The following GCNT2 variants were observed in gnomAD, a reference collection of about 807,000 sequenced individuals.
GCNT2 encodes the protein glucosaminyl (N-acetyl) transferase 2 (I blood group).
GCNT2 carries 34 observed loss-of-function variants against 34.2 expected under a neutral mutation model. The observed-to-expected ratio is 1.00, with a 90% CI of 0.76 to 1.32. GCNT2 has a LOEUF of 1.32. GCNT2 is among the 40% of genes most tolerant of loss of function. GCNT2 has a pLI of 0.00. For synonymous variants in GCNT2, 212 were observed against 188.0 expected, an observed-to-expected ratio of 1.13 and a Z score of -1.04; for missense variants, 584 against 489.4, an observed-to-expected ratio of 1.19 and a Z score of -1.82.
intron 3 of GCNT2, among the ~76,000 whole-genome samples, chr6:10,572,820 G>A (rs1432049189): frequency 6.6e-6 from 1 of 152,210 alleles, no homozygotes; most frequent in East Asian, 1.9e-4. Context: ...CCCAGTGAGA[G>A]CATCAAATGC....
intron 3 of GCNT2, chr6:10,586,119 T>C (rs1372225677): frequency 6.2e-7 from 1 of 1,613,942 alleles, no homozygotes; most frequent in Non-Finnish European, 8.5e-7. Context: ...TGAAAGGTAT[T>C]TTAGGAAAAC....
At chr6:10,623,099 C>T (rs1272436995) in intron 4 of GCNT2, among the ~76,000 whole-genome samples, 1 of 151,828 alleles carries the variant, frequency 6.6e-6, no homozygotes, top group Non-Finnish European at 1.5e-5. Flanking sequence ...TGAAAATCTC[C>T]AAGTTGCTCC....
At chr6:10,601,940 CAAGAA>C (rs1339162198) in intron 3 of GCNT2, among the ~76,000 whole-genome samples, 27 of 62,614 alleles carry the variant, frequency 4.3e-4, no homozygotes, top group Admixed American at 1.6e-3. Flanking sequence ...GACTCCATCT[CAAGAA>C]AAAAAAAAAA....
chr6:10,562,085 C>T (rs1027236302), intron 3 of GCNT2, among the ~76,000 whole-genome samples: 1 of 152,144 alleles, frequency 6.6e-6, no homozygotes, highest in Non-Finnish European at 1.5e-5. Flanking sequence ...CCCAAGGGAG[C>T]TCCCAATCAA....
chr6:10,556,462 C>G, intron 3 of GCNT2: 1 of 1,614,046 alleles, frequency 6.2e-7, no homozygotes, highest in Non-Finnish European at 8.5e-7. Flanking sequence ...TAATTTCTGT[C>G]TCTAGTGTAA....
chr6:10,582,376 AT>A (rs1488171079), intron 3 of GCNT2, among the ~76,000 whole-genome samples: 1 of 86,144 alleles, frequency 1.2e-5, no homozygotes, highest in Non-Finnish European at 2.2e-5. Flanking sequence ...ATATACTATA[AT>A]TTAATATTTA....
At chr6:10,541,073 A>G (rs181745651) in intron 3 of GCNT2, among the ~76,000 whole-genome samples, 35 of 152,178 alleles carry the variant, frequency 2.3e-4, no homozygotes, top group Admixed American at 1.3e-3. Context: ...ACATAGGTAA[A>G]CGTGTGCCAC....
At chr6:10,574,723 CTTTTATTTTT>C in intron 3 of GCNT2, 1 of 499,758 alleles carries the variant, frequency 2.0e-6, no homozygotes, top group Non-Finnish European at 3.8e-6. Context: ...GTCTAGAGGT[CTTTTATTTTT>C]TTTTAACACC....
In GCNT2 at chr6:10,611,554, C is replaced by A. The variant is rs1394724980; in HGVS notation, c.926-9797C>A. On this transcript the variant is annotated intron_variant, in intron 3 of 4. Coordinates refer to ENST00000495262, the MANE Select transcript of GCNT2 (RefSeq NM_145649.5). Reference sequence around the variant, plus strand: ...CCATGTTGGCCAGGATGGTCTCGATCTCTTGATCTCGTGGTCTGCCCGCCT... The same window carrying A: ...CCATGTTGGCCAGGATGGTCTCGATATCTTGATCTCGTGGTCTGCCCGCCT... 2.0e-5 allele frequency among the ~76,000 whole-genome samples: 3 copies of A among 152,196 alleles called. No individual in the cohort carries two copies. In the East Asian group the frequency reaches 5.8e-4, roughly 30 times the overall value.
In GCNT2 at chr6:10,529,591, G is replaced by A; in HGVS notation, c.680G>A (p.Gly227Glu). The change falls in exon 3 of 5, where the codon GGA (glycine) becomes GAA (glutamate). Residue 227 changes from glycine to glutamate, a missense_variant. Coordinates refer to ENST00000495262, the MANE Select transcript of GCNT2 (RefSeq NM_145649.5). ...PGVLPPDHAV[G>E]RTKYVHQELL... ...GTGCTGCCTCCTGACCACGCTGTTG[G>A]ACGGACTAAATACGTCCACCAAGAA... 6.2e-7 allele frequency: 1 copy of A among 1,614,058 alleles called. No homozygotes were observed. Among genetic ancestry groups the A allele is most frequent in the Non-Finnish European group, 8.5e-7 (1 of 1,179,984 alleles).
chr6:10,619,900 T>C lies in GCNT2; in HGVS notation c.926-1451T>C, dbSNP rs182022481. On this transcript the variant is annotated intron_variant, in intron 3 of 4. Transcript: ENST00000495262. ...CCACTCACATTCCTGGCTGGTGGCT[T>C]CTTCCCCCATCTTCAAACAGCAAAG... Among the ~76,000 whole-genome samples, 221 of 152,334 alleles carry C rather than the reference T, an allele frequency of 1.5e-3. 1 individual carries two copies. The highest frequency in any genetic ancestry group is 4.9e-3 in the African/African-American group (204 of 41,576).
chr6:10,617,816 G>A (rs1183937719), intron 3 of GCNT2, among the ~76,000 whole-genome samples: 4 of 141,580 alleles, frequency 2.8e-5, no homozygotes, highest in African/African-American at 1.1e-4. Context: ...GTGCAGTGCT[G>A]CAACCTCGGC....
chr6:10,616,559 G>A (rs1412746497), intron 3 of GCNT2, among the ~76,000 whole-genome samples: 6 of 152,102 alleles, frequency 3.9e-5, no homozygotes, highest in Admixed American at 2.6e-4. Flanking sequence ...ACAGAGTGCT[G>A]ATTGGTGCAT....
At chr6:10,607,504 C>T (rs1445333705) in intron 3 of GCNT2, among the ~76,000 whole-genome samples, 1 of 152,126 alleles carries the variant, frequency 6.6e-6, no homozygotes, top group Non-Finnish European at 1.5e-5. Context: ...CAGACCCCAG[C>T]TCCAACGCTG....
At chr6:10,605,879 C>G (rs1364588686) in intron 3 of GCNT2, among the ~76,000 whole-genome samples, 1 of 152,150 alleles carries the variant, frequency 6.6e-6, no homozygotes, top group African/African-American at 2.4e-5. Context: ...AAGGCCAGCT[C>G]CACTAGGGCT....
At chr6:10,579,759 T>C (rs1763979739) in intron 3 of GCNT2, among the ~76,000 whole-genome samples, 1 of 142,738 alleles carries the variant, frequency 7.0e-6, no homozygotes, top group Admixed American at 8.2e-5. Flanking sequence ...GAGGTTGCAG[T>C]GAGCTGAGAT....
chr6:10,572,431 G>A (rs980209597), intron 3 of GCNT2, among the ~76,000 whole-genome samples: 3 of 152,076 alleles, frequency 2.0e-5, no homozygotes, highest in Non-Finnish European at 2.9e-5. Context: ...CATCTAAAAG[G>A]ATAGATGGCA....
At chr6:10,596,698 A>C (rs1764867892) in intron 3 of GCNT2, among the ~76,000 whole-genome samples, 1 of 151,326 alleles carries the variant, frequency 6.6e-6, no homozygotes, top group Non-Finnish European at 1.5e-5. Flanking sequence ...CCTTGTTTTC[A>C]TCTCTTCTCC....
At position 10,530,191 on chromosome 6, in the gene GCNT2, G is replaced by C. The variant is rs551357355; in HGVS notation, c.925+355G>C. 134 of 213,688 alleles carry C rather than the reference G, an allele frequency of 6.3e-4. 1 individual carries two copies. Among genetic ancestry groups the C allele is most frequent in the African/African-American group, 2.7e-3 (114 of 42,838 alleles). 13.2% of individuals were successfully genotyped at this position (213,688 alleles called of 1,614,324 possible). Reference sequence around the variant, plus strand: ...AGCCTGACCAACATGGTGAAAACCTGTATCTACTAAAAATACTAAAAAAAT... The same window carrying C: ...AGCCTGACCAACATGGTGAAAACCTCTATCTACTAAAAATACTAAAAAAAT... On this transcript the variant is annotated intron_variant, in intron 3 of 4. Transcript: ENST00000495262.
Sources: gnomAD v4.1 joint callset for allele counts (sites outside exome capture counted in the v4.1 genomes callset) on GRCh38, gnomAD v4.1.1 for gene constraint, MANE v1.5 for transcripts, NCBI Gene and HGNC (gene_info 2026-07-23, HGNC 2026-07-21) for gene names.